The following NXN variants were observed in gnomAD, a reference collection of about 807,000 sequenced individuals.
NXN encodes nucleoredoxin 1.
NXN carries 16 observed loss-of-function variants against 48.6 expected under a neutral mutation model. The ratio of observed to expected loss-of-function variants is 0.33; its 90% CI spans 0.22 to 0.50. The LOEUF (loss-of-function observed/expected upper bound fraction) is 0.50, where lower values mean the gene tolerates loss of function less well. NXN is among the 20% of genes least tolerant of loss of function. NXN has a pLI of 0.98. For missense variants in NXN, 492 were observed against 605.5 expected, an observed-to-expected ratio of 0.81 and a Z score of 1.97; for synonymous variants, 281 against 269.6, an observed-to-expected ratio of 1.04 and a Z score of -0.41.
rs2144549418 is a variant in NXN at position 800,423 on chromosome 17, A to G, written c.*526T>C. ...GCATTTGGAGATCCCCTGCCTGAGA[A>G]CACAAGAGTGGGCTGCTTTTCTCTC... is the stretch of plus-strand genomic sequence containing the variant. On this transcript the variant is annotated 3_prime_UTR_variant, in exon 8 of 8. Transcript: ENST00000336868. 1 of 152,436 alleles carries G rather than the reference A, an allele frequency of 6.6e-6. No homozygotes were observed. Among genetic ancestry groups the G allele is most frequent in the East Asian group, 1.9e-4 (1 of 5,194 alleles). The allele number at this position is 152,436 out of a possible 1,614,324, so 9.4% of individuals were successfully genotyped here. A position where few individuals can be genotyped will look rare whatever the true frequency, so the allele number is the denominator to read the frequency against.
At chr17:938,080 T>C (rs1456255164) in intron 1 of NXN, among the ~76,000 whole-genome samples, 1 of 152,190 alleles carries the variant, frequency 6.6e-6, no homozygotes, top group African/African-American at 2.4e-5. Context: ...AAGGCCAACC[T>C]TGCAATGGCC....
chr17:954,695 C>T (rs188530456), intron 1 of NXN, among the ~76,000 whole-genome samples: 67 of 152,320 alleles, frequency 4.4e-4, no homozygotes, highest in South Asian at 2.7e-3. Flanking sequence ...ACTGCCCGGA[C>T]GGGCCCCAGG....
rs890570185 is a variant in NXN, at chr17:823,235, T to C, written c.612+397A>G. ...CCAACATGGCAAAACCCTGTCTCTA[T>C]TAAAAATACAAAAATTAGTCAGGCG... On this transcript the variant is annotated intron_variant, in intron 3 of 7. Coordinates refer to ENST00000336868, the MANE Select transcript of NXN (RefSeq NM_022463.5). Among the ~76,000 whole-genome samples the C allele has an allele frequency of 3.3e-5, 5 of 151,836 alleles. No homozygotes were observed. In the East Asian group the frequency reaches 9.7e-4, roughly 29 times the overall value.
At chr17:916,303 C>T (rs890443862) in intron 1 of NXN, among the ~76,000 whole-genome samples, 6 of 152,186 alleles carry the variant, frequency 3.9e-5, no homozygotes, top group Non-Finnish European at 8.8e-5. Context: ...CCATTTTATC[C>T]TTTCTACTTC....
At chr17:865,458 TCTCGAA>T (rs2068085971) in intron 1 of NXN, among the ~76,000 whole-genome samples, 1 of 149,272 alleles carries the variant, frequency 6.7e-6, no homozygotes, top group Middle Eastern at 3.4e-3. Context: ...GTCAGGCTGG[TCTCGAA>T]CTCATGACCT....
rs142854996 is a variant in NXN at position 932,626 on chromosome 17, T to G, written c.360+46693A>C. On this transcript the variant is annotated intron_variant, in intron 1 of 7. Transcript: ENST00000336868. The surrounding 1 kb of genome is among the most constrained non-coding windows in gnomAD (Gnocchi z 4.1). ...CCCCAGGTTCTGGGCCCCTGCCCTG[T>G]GTGAGCTCTAGTGGGGTCAGCAGCA... Among the ~76,000 whole-genome samples, 17 of 152,278 alleles carry G rather than the reference T, an allele frequency of 1.1e-4. No individual in the cohort carries two copies. In the East Asian group the frequency reaches 3.1e-3, roughly 28 times the overall value.
intron 1 of NXN, among the ~76,000 whole-genome samples, chr17:885,270 G>C (rs1169415873): frequency 2.6e-5 from 4 of 152,048 alleles, no homozygotes; most frequent in African/African-American, 9.7e-5. Flanking sequence ...AGACCAGCCT[G>C]GCCAAGAGAC....
At chr17:911,844 A>G (rs2068639735) in intron 1 of NXN, among the ~76,000 whole-genome samples, 1 of 150,624 alleles carries the variant, frequency 6.6e-6, no homozygotes, top group Non-Finnish European at 1.5e-5. Flanking sequence ...CACATAAAAC[A>G]TTTCACGTGA....
At chr17:851,324 T>A (rs2067921454) in intron 1 of NXN, among the ~76,000 whole-genome samples, 1 of 152,268 alleles carries the variant, frequency 6.6e-6, no homozygotes, top group African/African-American at 2.4e-5. Context: ...AGCGCAAGCC[T>A]CTGCCTGCTC....
At chr17:890,466 C>T (rs528513) in intron 1 of NXN, among the ~76,000 whole-genome samples, 16,283 of 152,022 alleles carry the variant, frequency 0.11, 1,177 homozygotes, top group South Asian at 0.23. Flanking sequence ...CTCCACCTCC[C>T]GGGTTCACGC....
intron 1 of NXN, among the ~76,000 whole-genome samples, chr17:845,607 G>C (rs1021970255): frequency 1.3e-5 from 2 of 152,246 alleles, no homozygotes; most frequent in African/African-American, 2.4e-5. Flanking sequence ...TTACACGTGA[G>C]AGATACTCAA....
At chr17:931,767 G>A (rs549472967) in intron 1 of NXN, among the ~76,000 whole-genome samples, 91 of 148,584 alleles carry the variant, frequency 6.1e-4, no homozygotes, top group African/African-American at 2.0e-3. Flanking sequence ...CCCGGGAGGC[G>A]GAGCTTGCAG....
chr17:824,893 C>G (rs986346513), intron 2 of NXN, among the ~76,000 whole-genome samples: 3 of 152,150 alleles, frequency 2.0e-5, no homozygotes, highest in African/African-American at 7.2e-5. Flanking sequence ...CGGGCCTCCC[C>G]GGAAACAAGA....
At chr17:890,007 A>T (rs770091954) in intron 1 of NXN, among the ~76,000 whole-genome samples, 2 of 152,030 alleles carry the variant, frequency 1.3e-5, no homozygotes, top group Non-Finnish European at 2.9e-5. Flanking sequence ...GAAGAAAGAC[A>T]CCCAAAACCC....
chr17:805,160 C>T lies in NXN; in HGVS notation c.908G>A (p.Arg303Gln), dbSNP rs750729972. 1.1e-5 allele frequency: 18 copies of T among 1,609,956 alleles called. No homozygotes were observed. The highest frequency in any genetic ancestry group is 1.0e-4 in the Admixed American group (6 of 59,702). ...GGGCTTGGGGTGCCAGGGGAACTCC[C>T]GGCAGTCCTCGTCGTTCAGCACCTC... ...RVEVLNDEDC[R>Q]EFPWHPKPVL... The change falls in exon 6 of 8, where the codon CGG becomes CAG. Residue 303 changes from arginine to glutamine, a missense_variant. Physicochemically the swap from Arg to Gln is conservative, Grantham distance 43. Coordinates refer to ENST00000336868, the MANE Select transcript of NXN (RefSeq NM_022463.5).
chr17:953,770 C>G (rs1241213666), intron 1 of NXN, among the ~76,000 whole-genome samples: 1 of 151,438 alleles, frequency 6.6e-6, no homozygotes, highest in Non-Finnish European at 1.5e-5. Flanking sequence ...ACCCCCATCT[C>G]TAACAAAAAT....
intron 1 of NXN, among the ~76,000 whole-genome samples, chr17:891,743 AGCCC>A (rs2068419614): frequency 3.1e-5 from 1 of 32,508 alleles, no homozygotes; most frequent in African/African-American, 1.2e-4. Context: ...CACCATGCAC[AGCCC>A]ATCAGGGAAC....
At chr17:937,666 A>G (rs2068921967) in intron 1 of NXN, among the ~76,000 whole-genome samples, 1 of 152,078 alleles carries the variant, frequency 6.6e-6, no homozygotes, top group Non-Finnish European at 1.5e-5. Context: ...TCTTTTCTGC[A>G]CAGATTCCAG....
At chr17:912,975 C>T (rs182859040) in intron 1 of NXN, among the ~76,000 whole-genome samples, 5 of 151,222 alleles carry the variant, frequency 3.3e-5, no homozygotes, top group Admixed American at 1.3e-4. Flanking sequence ...AAGGAAAGGA[C>T]GGAAAAAAGA....
Sources: allele counts gnomAD v4.1 joint callset (sites outside exome capture counted in the v4.1 genomes callset), GRCh38; gene constraint gnomAD v4.1.1; non-coding constraint Gnocchi (gnomAD v3.1); transcripts MANE v1.5; gene names NCBI Gene and HGNC (gene_info 2026-07-23, HGNC 2026-07-21).